Variants in ZNF146 observed in about 807,000 individuals in gnomAD.
ZNF146 encodes zinc finger protein OZF.
Under a neutral mutation model 22.2 loss-of-function variants are expected in ZNF146, and 9 were observed. The observed-to-expected ratio is 0.41, with a 90% CI of 0.24 to 0.71. The LOEUF (loss-of-function observed/expected upper bound fraction) is 0.71, where lower values mean the gene tolerates loss of function less well. Among genes scored for constraint, ZNF146 ranks in the 30% least tolerant of loss-of-function variants. The probability of loss-of-function intolerance (pLI) is 0.34; values close to 1 mark genes in which losing one functional copy is unlikely to be tolerated. For synonymous variants in ZNF146, 108 were observed against 119.2 expected (o/e 0.91, Z 0.61); for missense variants, 194 against 344.8 (o/e 0.56, Z 3.46).
chr19:36,235,638 G>A (rs1042817683), intron 3 of ZNF146, 21 bp from the exon 4 acceptor site: 58 of 152,178 alleles, frequency 3.8e-4, no homozygotes, highest in African/African-American at 1.4e-3. Flanking sequence ...TTGTGCTATG[G>A]TTCTTTGTAC....
intron 1 of ZNF146, among the ~76,000 whole-genome samples, chr19:36,216,182 T>C (rs1377573407): frequency 6.6e-6 from 1 of 152,196 alleles, no homozygotes; most frequent in Non-Finnish European, 1.5e-5. Flanking sequence ...AAAACTAATA[T>C]TTACAATAGC....
At chr19:36,215,930 A>C (rs1976584017) in intron 1 of ZNF146, among the ~76,000 whole-genome samples, 1 of 152,182 alleles carries the variant, frequency 6.6e-6, no homozygotes, top group Admixed American at 6.5e-5. Context: ...ACTAAATCCT[A>C]GGTGTCTTAA....
At chr19:36,219,925 CT>C (rs989535564) in intron 2 of ZNF146, among the ~76,000 whole-genome samples, 5 of 152,068 alleles carry the variant, frequency 3.3e-5, no homozygotes, top group African/African-American at 4.8e-5. Context: ...CAAATTGTAT[CT>C]TTTTTTCCCC....
At chr19:36,218,819 T>C (rs917228837) in intron 2 of ZNF146, among the ~76,000 whole-genome samples, 2 of 148,682 alleles carry the variant, frequency 1.3e-5, no homozygotes, top group Non-Finnish European at 3.0e-5. Context: ...TTTTTTTTGG[T>C]GGAGGGGGGG....
intron 3 of ZNF146, among the ~76,000 whole-genome samples, chr19:36,229,973 G>A (rs1977252930): frequency 6.6e-6 from 1 of 152,180 alleles, no homozygotes; most frequent in African/African-American, 2.4e-5. Flanking sequence ...GCCTGCCTCG[G>A]CCTCTCAAAG....
At chr19:36,215,536 C>T (rs981015999) in intron 1 of ZNF146, among the ~76,000 whole-genome samples, 6 of 152,002 alleles carry the variant, frequency 3.9e-5, no homozygotes, top group African/African-American at 1.2e-4. Context: ...GTGCCATCTT[C>T]CTGGAGCGTC....
At chr19:36,231,454 C>T (rs1977366867) in intron 3 of ZNF146, among the ~76,000 whole-genome samples, 1 of 152,152 alleles carries the variant, frequency 6.6e-6, no homozygotes, top group South Asian at 2.1e-4. Context: ...AGTGATCTGC[C>T]CGCCTCAGCC....
Position 36,220,360 on chromosome 19 carries a change from TAATTTAATTTTATTTTA to T in ZNF146, c.-855+2166_-855+2182del, listed in dbSNP as rs1568429099. ...TTTCTTAGCTCCTAGTTCTTTTTTT[TAATTTAATTTTATTTTA>T]TTTTTGAGACGGAGTCTTGCTCTGT... On this transcript the variant is annotated intron_variant, in intron 2 of 3. Transcript: ENST00000443387. Among the ~76,000 whole-genome samples the T allele has an allele frequency of 4.2e-4, 62 of 146,900 alleles. 2 individuals are homozygous for T. Among genetic ancestry groups the T allele is most frequent in the Admixed American group, 1.2e-3 (17 of 14,028 alleles).
intron 3 of ZNF146, among the ~76,000 whole-genome samples, chr19:36,234,644 A>G (rs1252626388): frequency 1.3e-5 from 2 of 152,116 alleles, no homozygotes; most frequent in African/African-American, 2.4e-5. Context: ...TGATCCGCCC[A>G]CCTCGGCCTC....
intron 3 of ZNF146, among the ~76,000 whole-genome samples, chr19:36,231,205 A>G (rs1054499596): frequency 1.3e-5 from 2 of 152,052 alleles, no homozygotes; most frequent in Non-Finnish European, 2.9e-5. Flanking sequence ...TCTACTAAAA[A>G]TACAAAAGTT....
At chr19:36,230,882 A>G (rs1599984574) in intron 3 of ZNF146, among the ~76,000 whole-genome samples, 1 of 151,690 alleles carries the variant, frequency 6.6e-6, no homozygotes, top group Admixed American at 6.6e-5. Flanking sequence ...GCTCACTGCA[A>G]CCTCCACTTT....
intron 3 of ZNF146, among the ~76,000 whole-genome samples, chr19:36,230,825 T>C (rs1977317571): frequency 2.6e-5 from 4 of 152,104 alleles, no homozygotes; most frequent in African/African-American, 9.7e-5. Context: ...TTTTTGAGAC[T>C]GAGTCTTGCT....
chr19:36,219,365 A>G (rs949391719), intron 2 of ZNF146, among the ~76,000 whole-genome samples: 2 of 151,678 alleles, frequency 1.3e-5, no homozygotes, highest in Non-Finnish European at 2.9e-5. Flanking sequence ...GAGTCTTACT[A>G]TGTTGCCCAG....
chr19:36,225,798 T>G (rs1019876203), intron 2 of ZNF146, among the ~76,000 whole-genome samples: 2 of 138,604 alleles, frequency 1.4e-5, no homozygotes, highest in Non-Finnish European at 3.1e-5. Context: ...TCTTGCTTTG[T>G]CACCCAGGCT....
intron 2 of ZNF146, among the ~76,000 whole-genome samples, chr19:36,223,270 T>G (rs898940148): frequency 6.6e-6 from 1 of 151,766 alleles, no homozygotes; most frequent in East Asian, 1.9e-4. Flanking sequence ...TACAAAAAAT[T>G]TAGCCAGTCA....
intron 2 of ZNF146, among the ~76,000 whole-genome samples, chr19:36,219,113 A>G (rs1032461954): frequency 2.0e-5 from 3 of 151,994 alleles, no homozygotes; most frequent in Non-Finnish European, 4.4e-5. Flanking sequence ...TGGCCACTTA[A>G]AATTTTCTGT....
intron 3 of ZNF146, among the ~76,000 whole-genome samples, chr19:36,233,394 C>T (rs181498163): frequency 1.3e-5 from 2 of 152,202 alleles, no homozygotes; most frequent in East Asian, 1.9e-4. Context: ...GGGCGTTTCT[C>T]GTCAGGTGGA....
intron 2 of ZNF146, among the ~76,000 whole-genome samples, chr19:36,222,971 A>G (rs1976916529): frequency 6.6e-6 from 1 of 151,882 alleles, no homozygotes; most frequent in Non-Finnish European, 1.5e-5. Context: ...CACCACACCA[A>G]AGACCTTTTT....
At position 36,236,979 on chromosome 19, in the gene ZNF146, G is replaced by C. The variant is rs1216863476; in HGVS notation, c.539G>C (p.Gly180Ala). The C allele has an allele frequency of 6.2e-7, 1 of 1,614,194 alleles. No homozygotes were observed. Among genetic ancestry groups the C allele is most frequent in the Non-Finnish European group, 8.5e-7 (1 of 1,180,024 alleles). Residue 180 changes from glycine to alanine, a missense_variant, in exon 4 of 4, where the codon GGA (glycine) becomes GCA (alanine). This residue lies in a region of ZNF146 where 147 missense variants were observed against 300.1 expected (regional missense o/e 0.49). Transcript: ENST00000443387. ...YLIKHQNIHT[G>A]EKPYECNECG... Reference sequence around the variant, plus strand: ...ATAAAACATCAGAACATTCACACTGGAGAGAAACCCTATGAATGTAACGAA... The same window carrying C: ...ATAAAACATCAGAACATTCACACTGCAGAGAAACCCTATGAATGTAACGAA...
Sources: gnomAD v4.1 joint callset for allele counts (sites outside exome capture counted in the v4.1 genomes callset) on GRCh38, gnomAD v4.1.1 for gene constraint, gnomAD v4.1.1 regional missense constraint, MANE v1.5 for transcripts, NCBI Gene and HGNC (gene_info 2026-07-23, HGNC 2026-07-21) for gene names.